The following CYP24A1 variants were observed in gnomAD, a reference collection of about 807,000 sequenced individuals.
CYP24A1 encodes the protein cytochrome P450 family 24 subfamily A member 1, also known as 1,25-dihydroxyvitamin D(3) 24-hydroxylase, mitochondrial.
In CYP24A1, 68 loss-of-function variants were observed where a neutral mutation model predicts 62.4. That is an observed-to-expected ratio of 1.09 (90% CI 0.90 to 1.33). The LOEUF (loss-of-function observed/expected upper bound fraction) is 1.33. CYP24A1 is among the 40% of genes most tolerant of loss of function. The pLI is 0.00. For missense variants in CYP24A1, 787 were observed against 653.0 expected, an observed-to-expected ratio of 1.21 and a Z score of -2.24; for synonymous variants, 267 against 253.0, an observed-to-expected ratio of 1.06 and a Z score of -0.52.
intron 11 of CYP24A1, among the ~76,000 whole-genome samples, chr20:54,155,394 G>A (rs1193241388): frequency 6.6e-6 from 1 of 152,030 alleles, no homozygotes; most frequent in Non-Finnish European, 1.5e-5. Context: ...TAGAATCCGG[G>A]TTTAAACACC....
At chr20:54,162,981 C>CTT (rs2092658555) in intron 6 of CYP24A1, 119 bp from the exon 7 acceptor site, 5 of 739,050 alleles carry the variant, frequency 6.8e-6, no homozygotes, top group East Asian at 5.1e-5. Flanking sequence ...TTCAGGAACA[C>CTT]TGACAATTTG....
chr20:54,146,440 C>T, the CYP24A1 span, among the ~76,000 whole-genome samples: 1 of 152,042 alleles, frequency 6.6e-6, no homozygotes, highest in Non-Finnish European at 1.5e-5. Context: ...TACCGGTCTC[C>T]AGTAGATTTC....
chr20:54,147,008 C>T, the CYP24A1 span, among the ~76,000 whole-genome samples: 4 of 152,222 alleles, frequency 2.6e-5, no homozygotes, highest in African/African-American at 4.8e-5. Flanking sequence ...TTTCAACCAA[C>T]AGCTTTCTCC....
At position 54,173,159 on chromosome 20, in the gene CYP24A1, T is replaced by C. The variant is rs960104266; in HGVS notation, c.259-60A>G. On this transcript the variant is annotated intron_variant, in intron 1 of 11. Transcript: ENST00000216862. The surrounding 1 kb of genome is among the most constrained non-coding windows in gnomAD (Gnocchi z 7.2). ...GCATCCTCCGCCGTGCCCGAAGCGC[T>C]TTCCCTCCTCCCGCCTCCTTCCTCC... The C allele has an allele frequency of 3.2e-6, 5 of 1,581,970 alleles. No homozygotes were observed. The African/African-American group carries it at 6.7e-5, about 21-fold the overall frequency.
chr20:54,168,692 C>T (rs986095729), intron 4 of CYP24A1, among the ~76,000 whole-genome samples: 1 of 151,908 alleles, frequency 6.6e-6, no homozygotes, highest in Non-Finnish European at 1.5e-5. Context: ...CTCTTTTCTT[C>T]TTTATTTCTT....
chr20:54,166,451 C>A (rs1260692749), intron 4 of CYP24A1, among the ~76,000 whole-genome samples: 1 of 152,186 alleles, frequency 6.6e-6, no homozygotes, highest in African/African-American at 2.4e-5. Context: ...CCGAACTCAT[C>A]AACATCTTGC....
chr20:54,169,525 A>G (rs1467653395), intron 4 of CYP24A1, 67 bp downstream of exon 4: 16 of 1,611,230 alleles, frequency 9.9e-6, no homozygotes, highest in Admixed American at 1.7e-5. Context: ...AGAGTTGTCA[A>G]AAGAGCCATG....
chr20:54,156,122 G>C (rs892298537), intron 11 of CYP24A1, among the ~76,000 whole-genome samples: 3 of 152,034 alleles, frequency 2.0e-5, no homozygotes, highest in Admixed American at 1.3e-4. Context: ...CACAAACCTA[G>C]ACCCTAGGGC....
chr20:54,164,373 A>G lies in CYP24A1; in HGVS notation c.844+79T>C, dbSNP rs11906115. ...ATGTGGTGATGAGGCTCAGGAGATC[A>G]CTCCAGACCTCCTCTCTGAAGCTCC... On this transcript the variant is annotated intron_variant, in intron 6 of 11. Coordinates refer to ENST00000216862, the MANE Select transcript of CYP24A1 (RefSeq NM_000782.5). 13,422 of 1,610,942 alleles carry G rather than the reference A, an allele frequency of 8.3e-3. 910 individuals carry two copies. In the African/African-American group the frequency reaches 0.15, roughly 18 times the overall value.
rs199934501 is a variant in CYP24A1 at position 54,164,513 on chromosome 20, C to G, written c.783G>C (p.Lys261Asn). The G allele has an allele frequency of 6.2e-7, 1 of 1,614,174 alleles. No individual in the cohort carries two copies. ...CCTGCCAGACCTTGGTGTTGAGGCT[C>G]TTGTGCAGCTCGACTGGAGTGACCA... ...RMMVTPVELH[K>N]SLNTKVWQDH... Residue 261 changes from lysine to asparagine, a missense_variant, in exon 6 of 12, where the codon AAG becomes AAC. By Grantham distance (94) the Lys-to-Asn change is moderately conservative (BLOSUM62 0). Transcript: ENST00000216862.
chr20:54,168,738 C>T (rs1382584341), intron 4 of CYP24A1, among the ~76,000 whole-genome samples: 23 of 141,104 alleles, frequency 1.6e-4, no homozygotes, highest in Admixed American at 5.6e-4. Context: ...TCTTTTCCTT[C>T]CCTCCTTCCT....
At position 54,165,394 on chromosome 20, in the gene CYP24A1, G is replaced by A. The variant is rs190377708; in HGVS notation, c.732+348C>T. On this transcript the variant is annotated intron_variant, in intron 5 of 11. Coordinates refer to ENST00000216862, the MANE Select transcript of CYP24A1 (RefSeq NM_000782.5). ...TTCGTGTTGCACGAAAACAAGCTCAGGGCTCCCACTGATTCTACATTATGG... is the reference window on the plus strand; with the variant it reads ...TTCGTGTTGCACGAAAACAAGCTCAAGGCTCCCACTGATTCTACATTATGG... 2.0e-5 allele frequency among the ~76,000 whole-genome samples: 3 copies of A among 152,300 alleles called. No individual in the cohort carries two copies. The East Asian group carries it at 5.8e-4, about 29-fold the overall frequency.
chr20:54,171,210 G>C (rs185417663), intron 3 of CYP24A1, among the ~76,000 whole-genome samples: 1 of 152,260 alleles, frequency 6.6e-6, no homozygotes, highest in Admixed American at 6.5e-5. Flanking sequence ...CCCGTGGGGT[G>C]GGAACTGTTA....
chr20:54,155,619 C>A (rs2092624843), intron 11 of CYP24A1, among the ~76,000 whole-genome samples: 2 of 151,870 alleles, frequency 1.3e-5, no homozygotes, highest in Admixed American at 1.3e-4. Context: ...TGCCTGTAAT[C>A]CCAGCTACTC....
rs2146462664 is a variant in CYP24A1 at position 54,157,215 on chromosome 20, G to T, written c.1509C>A (p.Pro503=). ...VEMLHSGTLV[P]SRELPIAFCQ... ...AAAACGCGATGGGGAGTTCCCGGCTGGGCACCAGGGTGCCTGAGTGTAGCA... is the reference window on the plus strand; with the variant it reads ...AAAACGCGATGGGGAGTTCCCGGCTTGGCACCAGGGTGCCTGAGTGTAGCA... Residue 503 remains proline (P), a synonymous_variant, in exon 11 of 12, where the codon CCC becomes CCA. Coordinates refer to ENST00000216862, the MANE Select transcript of CYP24A1 (RefSeq NM_000782.5). The T allele has an allele frequency of 6.2e-7, 1 of 1,611,884 alleles. No individual in the cohort carries two copies. Among genetic ancestry groups the T allele is most frequent in the East Asian group, 2.2e-5 (1 of 44,874 alleles).
At chr20:54,152,798 A>G (rs539406667), downstream of CYP24A1, among the ~76,000 whole-genome samples, 1 of 152,180 alleles carries the variant, frequency 6.6e-6, no homozygotes, top group Non-Finnish European at 1.5e-5. Flanking sequence ...GGGAAGCCCC[A>G]GAGGCAGGAT....
At chr20:54,167,332 C>A (rs2092675631) in intron 4 of CYP24A1, among the ~76,000 whole-genome samples, 1 of 152,184 alleles carries the variant, frequency 6.6e-6, no homozygotes, top group African/African-American at 2.4e-5. Flanking sequence ...CTGGATGGTA[C>A]ATGAACTTTA....
In CYP24A1 at chr20:54,159,014, C is replaced by T. The variant is rs142282494; in HGVS notation, c.1100G>A (p.Arg367Gln). The T allele has an allele frequency of 7.0e-5, 113 of 1,614,096 alleles. 1 individual carries two copies. In the African/African-American group the frequency reaches 8.9e-4, roughly 13 times the overall value. ...QSVLPENQVP[R>Q]AEDLRNMPYL... is the part of the protein sequence containing the mutation. ...CGGCATATTCCTCAAATCTTCTGCC[C>T]GTGGCACCTGATTCTCAGGTAATAC... Residue 367 changes from arginine to glutamine, a missense_variant, in exon 8 of 12, where the codon CGG becomes CAG. Physicochemically the swap from Arg to Gln is conservative, Grantham distance 43 (BLOSUM62 1). Coordinates refer to ENST00000216862, the MANE Select transcript of CYP24A1 (RefSeq NM_000782.5).
Position 54,173,363 on chromosome 20 carries a change from T to A in CYP24A1, c.217A>T (p.Ile73Phe), listed in dbSNP as rs201820243. 1.6e-4 allele frequency: 257 copies of A among 1,604,824 alleles called. No homozygotes were observed. The highest frequency in any genetic ancestry group is 1.3e-3 in the South Asian group (116 of 89,504). ...TTCTTGAGACCCCCTTTCCAGAGAA[T>A]CTGCAGCAGGCTGCCCAGCAGTGGC... Reference protein sequence around the residue: ...SWPLLGSLLQILWKGGLKKQH... With the variant: ...SWPLLGSLLQFLWKGGLKKQH... The change falls in exon 1 of 12, where the codon ATT becomes TTT. Residue 73 changes from isoleucine to phenylalanine, a missense_variant. By Grantham distance (21) the Ile-to-Phe change is conservative (BLOSUM62 0). Coordinates refer to ENST00000216862, the MANE Select transcript of CYP24A1 (RefSeq NM_000782.5). This position sits in a 1 kb window ranked among gnomAD's most constrained non-coding sequence, Gnocchi z 7.2.
Sources: gnomAD v4.1 joint callset for allele counts (sites outside exome capture counted in the v4.1 genomes callset) on GRCh38, gnomAD v4.1.1 for gene constraint, Gnocchi (gnomAD v3.1) non-coding constraint, MANE v1.5 for transcripts, NCBI Gene and HGNC (gene_info 2026-07-23, HGNC 2026-07-21) for gene names.